Variants in LMNTD1 observed in about 807,000 individuals in gnomAD.
LMNTD1 encodes the protein lamin tail domain-containing protein 1.
A neutral mutation model predicts 50.9 loss-of-function variants in LMNTD1; 35 were observed. The observed-to-expected ratio is 0.69, with a 90% confidence interval of 0.53 to 0.91. The LOEUF (loss-of-function observed/expected upper bound fraction) is 0.91, where lower values mean the gene tolerates loss of function less well. LMNTD1 is among the 40% of genes least tolerant of loss of function. The pLI, the probability that LMNTD1 is intolerant of heterozygous loss-of-function variation, is 0.00. For missense variants in LMNTD1, 470 were observed against 475.5 expected, an observed-to-expected ratio of 0.99 and a Z score of 0.11; for synonymous variants, 153 against 161.9, an observed-to-expected ratio of 0.94 and a Z score of 0.42.
chr12:25,604,674 G>A (rs1946056360), intron 1 of LMNTD1, among the ~76,000 whole-genome samples: 2 of 152,106 alleles, frequency 1.3e-5, no homozygotes, highest in Non-Finnish European at 1.5e-5. Flanking sequence ...TAAAGGACAT[G>A]AACTCATCAT....
intron 9 of LMNTD1, among the ~76,000 whole-genome samples, chr12:25,494,617 C>T (rs896340333): frequency 4.6e-5 from 7 of 152,066 alleles, no homozygotes; most frequent in African/African-American, 1.7e-4. Context: ...TCAGTACTCT[C>T]ATAAGCATAA....
intron 4 of LMNTD1, among the ~76,000 whole-genome samples, chr12:25,527,679 TATACACACACAC>T (rs1327469677): frequency 6.8e-3 from 130 of 19,226 alleles, no homozygotes; most frequent in East Asian, 0.059. Context: ...TATATATATA[TATACACACACAC>T]ACACACACAC....
intron 1 of LMNTD1, among the ~76,000 whole-genome samples, chr12:25,601,693 G>T (rs1049249413): frequency 2.0e-5 from 3 of 151,808 alleles, no homozygotes; most frequent in Non-Finnish European, 4.4e-5. Flanking sequence ...CAAGATACAA[G>T]TTTATAAAGA....
At chr12:25,609,361 C>T (rs1184422654) in intron 1 of LMNTD1, among the ~76,000 whole-genome samples, 5 of 152,182 alleles carry the variant, frequency 3.3e-5, no homozygotes, top group Non-Finnish European at 7.4e-5. Flanking sequence ...AGCTTTGTTC[C>T]ATTGCTCGTG....
In LMNTD1 at chr12:25,553,190, T is replaced by C. The variant is rs1943875747; in HGVS notation, c.-152A>G. 2 of 1,588,784 alleles carry C rather than the reference T, an allele frequency of 1.3e-6. No individual in the cohort carries two copies. Among genetic ancestry groups the C allele is most frequent in the Non-Finnish European group, 1.7e-6 (2 of 1,169,924 alleles). On this transcript the variant is annotated 5_prime_UTR_variant, in exon 1 of 10. Transcript: ENST00000458174. Reference sequence around the variant, plus strand: ...CAACATAGCCAATCCTGATCTTGGCTAAGGATGTCGGACAAACCATGGTGC... The same window carrying C: ...CAACATAGCCAATCCTGATCTTGGCCAAGGATGTCGGACAAACCATGGTGC...
chr12:25,582,828 T>C (rs1429439893), intron 1 of LMNTD1, among the ~76,000 whole-genome samples: 1 of 152,152 alleles, frequency 6.6e-6, no homozygotes, highest in Non-Finnish European at 1.5e-5. Context: ...TGTCACCTAA[T>C]ATATAATAAG....
chr12:25,567,672 T>C (rs1944610260), intron 1 of LMNTD1, among the ~76,000 whole-genome samples: 1 of 151,778 alleles, frequency 6.6e-6, no homozygotes, highest in Non-Finnish European at 1.5e-5. Context: ...TTTAAAAGAG[T>C]GTGGCACCTC....
chr12:25,615,610 G>A (rs571439957), intron 1 of LMNTD1, among the ~76,000 whole-genome samples: 4 of 152,052 alleles, frequency 2.6e-5, no homozygotes, highest in African/African-American at 9.6e-5. Context: ...TCAGGTGTGT[G>A]CCACCACACC....
intron 1 of LMNTD1, among the ~76,000 whole-genome samples, chr12:25,598,974 A>G (rs1264949213): frequency 1.3e-5 from 2 of 152,020 alleles, no homozygotes; most frequent in African/African-American, 4.8e-5. Context: ...AAAATGGAGG[A>G]GGGAAAACTT....
chr12:25,506,143 A>G (rs948078624), intron 8 of LMNTD1, among the ~76,000 whole-genome samples: 2 of 152,220 alleles, frequency 1.3e-5, no homozygotes, highest in African/African-American at 4.8e-5. Context: ...AATTCTATAG[A>G]TATGATCTTA....
chr12:25,513,988 C>T (rs1175182398), intron 8 of LMNTD1, among the ~76,000 whole-genome samples: 2 of 151,042 alleles, frequency 1.3e-5, no homozygotes, highest in Non-Finnish European at 3.0e-5. Context: ...TCAACATGAC[C>T]TTTAAAATTC....
chr12:25,569,260 T>A (rs1247322419), intron 1 of LMNTD1, among the ~76,000 whole-genome samples: 3 of 152,252 alleles, frequency 2.0e-5, no homozygotes, highest in Non-Finnish European at 4.4e-5. Flanking sequence ...TAAAATTTAA[T>A]GACTGCCCTG....
At chr12:25,639,720 C>T (rs867499805) in intron 1 of LMNTD1, among the ~76,000 whole-genome samples, 1 of 152,062 alleles carries the variant, frequency 6.6e-6, no homozygotes, top group Admixed American at 6.6e-5. Flanking sequence ...AAAATGGTGT[C>T]GCTGCTTTGG....
chr12:25,571,280 C>T (rs1043139704), intron 1 of LMNTD1, among the ~76,000 whole-genome samples: 4 of 152,122 alleles, frequency 2.6e-5, no homozygotes, highest in African/African-American at 9.7e-5. Flanking sequence ...GTTCTCGTAT[C>T]AATGTGAAAT....
chr12:25,511,920 CT>C (rs1565952924), intron 8 of LMNTD1, among the ~76,000 whole-genome samples: 1 of 152,176 alleles, frequency 6.6e-6, no homozygotes, highest in Non-Finnish European at 1.5e-5. Flanking sequence ...TTTGCCCCCC[CT>C]CTTTTCAACC....
chr12:25,512,122 A>G (rs868088494), intron 8 of LMNTD1, among the ~76,000 whole-genome samples: 1 of 152,270 alleles, frequency 6.6e-6, no homozygotes, highest in Non-Finnish European at 1.5e-5. Context: ...ATAAAAGAGT[A>G]GGAAATATCA....
chr12:25,615,564 C>T (rs1033754376), intron 1 of LMNTD1, among the ~76,000 whole-genome samples: 6 of 151,928 alleles, frequency 3.9e-5, no homozygotes, highest in African/African-American at 1.2e-4. Context: ...CAGACTGAAG[C>T]GATCCTCCTG....
chr12:25,476,628 A>T (rs187535910), intron 9 of LMNTD1, among the ~76,000 whole-genome samples, 168 bp from the exon 10 acceptor site: 1 of 152,336 alleles, frequency 6.6e-6, no homozygotes, highest in African/African-American at 2.4e-5. Flanking sequence ...GAAGAAAGAG[A>T]TTGAAACTGA....
At chr12:25,617,716 A>G (rs1946378413) in intron 1 of LMNTD1, among the ~76,000 whole-genome samples, 3 of 152,266 alleles carry the variant, frequency 2.0e-5, no homozygotes, top group African/African-American at 7.2e-5. Flanking sequence ...GAAAATGATC[A>G]TGATGGGAAG....
Sources: gnomAD v4.1 joint callset for allele counts (sites outside exome capture counted in the v4.1 genomes callset) on GRCh38, gnomAD v4.1.1 for gene constraint, MANE v1.5 for transcripts, NCBI Gene and HGNC (gene_info 2026-07-23, HGNC 2026-07-21) for gene names.